GPR158: variants seen among roughly 807,000 people sequenced by gnomAD.
GPR158 encodes the protein G protein-coupled receptor 158, also known as metabotropic glycine receptor.
In GPR158, 30 loss-of-function variants were observed where a neutral mutation model predicts 78.2. The ratio of observed to expected loss-of-function variants is 0.38; its 90% CI spans 0.29 to 0.52. The LOEUF (loss-of-function observed/expected upper bound fraction) is 0.52. GPR158 is among the 20% of genes least tolerant of loss of function. The pLI is 0.83. For missense variants in GPR158, 1,463 were observed against 1,523.5 expected (o/e 0.96, Z 0.66); for synonymous variants, 581 against 591.1 (o/e 0.98, Z 0.25).
chr10:25,185,242 A>C (rs562790409), intron 1 of GPR158, among the ~76,000 whole-genome samples: 6 of 152,200 alleles, frequency 3.9e-5, no homozygotes, highest in Non-Finnish European at 7.3e-5. Context: ...ATGTGTGTAC[A>C]TATATCTGTG....
At chr10:25,221,716 T>G (rs1022036763) in intron 2 of GPR158, among the ~76,000 whole-genome samples, 1 of 152,214 alleles carries the variant, frequency 6.6e-6, no homozygotes, top group Admixed American at 6.5e-5. Context: ...GAAACAGGCA[T>G]GGAGATCATG....
At chr10:25,424,773 T>C (rs1031435581) in intron 4 of GPR158, among the ~76,000 whole-genome samples, 2 of 152,190 alleles carry the variant, frequency 1.3e-5, no homozygotes, top group African/African-American at 4.8e-5. Flanking sequence ...ACCATGCTGT[T>C]TTGGTTACTG....
chr10:25,573,298 A>G (rs575375747), intron 7 of GPR158, among the ~76,000 whole-genome samples: 1 of 152,380 alleles, frequency 6.6e-6, no homozygotes, highest in South Asian at 2.1e-4. Context: ...CCTATAATGT[A>G]TCAGACTTGA....
rs746609321 is a variant in GPR158, at chr10:25,595,681, A to C, written c.1999-962A>C. Among the ~76,000 whole-genome samples the C allele has an allele frequency of 3.9e-5, 6 of 152,354 alleles. No homozygotes were observed. In the Middle Eastern group the frequency reaches 0.01, roughly 259 times the overall value. On this transcript the variant is annotated intron_variant, in intron 9 of 10. Transcript: ENST00000376351. Reference sequence around the variant, plus strand: ...TTATGTGAAATGTCCAGAATGGGCAAATCTATAGAAACATAAAGTAGATTA... The same window carrying C: ...TTATGTGAAATGTCCAGAATGGGCACATCTATAGAAACATAAAGTAGATTA...
intron 2 of GPR158, among the ~76,000 whole-genome samples, chr10:25,378,991 G>T (rs555511530): frequency 1.3e-4 from 20 of 152,030 alleles, no homozygotes; most frequent in African/African-American, 4.6e-4. Context: ...GGGTCTCACC[G>T]TGTTGCCCAG....
At chr10:25,385,639 T>C (rs1341583798) in intron 2 of GPR158, among the ~76,000 whole-genome samples, 2 of 152,162 alleles carry the variant, frequency 1.3e-5, no homozygotes, top group African/African-American at 4.8e-5. Context: ...ATTATTATTA[T>C]AATTTTTTGA....
chr10:25,323,809 T>A (rs1327035854), intron 2 of GPR158, among the ~76,000 whole-genome samples: 1 of 152,186 alleles, frequency 6.6e-6, no homozygotes, highest in Non-Finnish European at 1.5e-5. Context: ...TCAGCCACTG[T>A]ACCTGGCCTA....
At chr10:25,452,141 G>A (rs1162615720) in intron 4 of GPR158, among the ~76,000 whole-genome samples, 4 of 151,902 alleles carry the variant, frequency 2.6e-5, no homozygotes, top group African/African-American at 9.7e-5. Context: ...GGGCTCAAGC[G>A]ATCCTCCCAC....
chr10:25,201,938 TG>T (rs1280692636), intron 1 of GPR158, among the ~76,000 whole-genome samples: 1 of 152,148 alleles, frequency 6.6e-6, no homozygotes, highest in Non-Finnish European at 1.5e-5. Context: ...AAGATTTTTT[TG>T]TGTGTGCCTC....
intron 5 of GPR158, among the ~76,000 whole-genome samples, chr10:25,498,475 T>G (rs1835912999): frequency 6.6e-6 from 1 of 152,280 alleles, no homozygotes. Flanking sequence ...ATACTTACTG[T>G]GATTGGTCTG....
At chr10:25,189,546 A>C (rs543216467) in intron 1 of GPR158, among the ~76,000 whole-genome samples, 11 of 152,222 alleles carry the variant, frequency 7.2e-5, no homozygotes, top group African/African-American at 2.4e-4. Context: ...ATAGAAAACC[A>C]AACACCACAC....
chr10:25,446,369 C>G (rs572292061), intron 4 of GPR158, among the ~76,000 whole-genome samples: 1 of 152,148 alleles, frequency 6.6e-6, no homozygotes, highest in Non-Finnish European at 1.5e-5. Flanking sequence ...ATGATATGTG[C>G]TTTCAGACCA....
At chr10:25,391,251 G>C (rs909535983) in intron 2 of GPR158, among the ~76,000 whole-genome samples, 1 of 152,144 alleles carries the variant, frequency 6.6e-6, no homozygotes, top group African/African-American at 2.4e-5. Context: ...CGTCCCCACT[G>C]GGGCACTGCC....
At chr10:25,381,295 G>C (rs950242789) in intron 2 of GPR158, among the ~76,000 whole-genome samples, 1 of 151,776 alleles carries the variant, frequency 6.6e-6, no homozygotes, top group African/African-American at 2.4e-5. Flanking sequence ...GATCAATGGA[G>C]CAAGGGTGGT....
chr10:25,393,677 C>T (rs141647643), intron 2 of GPR158: 1 of 152,220 alleles, frequency 6.6e-6, no homozygotes, highest in Admixed American at 6.5e-5. Context: ...GAATGGTTCT[C>T]CTCTATTTGG....
At chr10:25,533,601 C>A in intron 5 of GPR158, among the ~76,000 whole-genome samples, 1 of 152,236 alleles carries the variant, frequency 6.6e-6, no homozygotes, top group Admixed American at 6.5e-5. Flanking sequence ...TAACTTCATT[C>A]TTTATATATT....
intron 4 of GPR158, among the ~76,000 whole-genome samples, chr10:25,453,265 G>A (rs77244376): frequency 0.01 from 1,574 of 152,184 alleles, 29 homozygotes; most frequent in African/African-American, 0.033. Flanking sequence ...TGGATCATAC[G>A]ATTATTCTAT....
At chr10:25,245,007 A>G (rs1853670555) in intron 2 of GPR158, among the ~76,000 whole-genome samples, 1 of 152,174 alleles carries the variant, frequency 6.6e-6, no homozygotes, top group Admixed American at 6.5e-5. Context: ...GCTTCCAATA[A>G]CATGCTATGT....
At chr10:25,548,530 T>G (rs974922974) in intron 5 of GPR158, among the ~76,000 whole-genome samples, 13 of 152,164 alleles carry the variant, frequency 8.5e-5, no homozygotes, top group Non-Finnish European at 1.5e-4. Flanking sequence ...TCAATATATT[T>G]CCAAGATGAA....
Sources: allele counts gnomAD v4.1 joint callset (sites outside exome capture counted in the v4.1 genomes callset), GRCh38; gene constraint gnomAD v4.1.1; transcripts MANE v1.5; gene names NCBI Gene and HGNC (gene_info 2026-07-23, HGNC 2026-07-21).